The following ME1 variants were observed in gnomAD, a reference collection of about 807,000 sequenced individuals.
ME1 encodes malic enzyme 1.
In ME1, 74 loss-of-function variants were observed where a neutral mutation model predicts 66.4. That is an observed-to-expected ratio of 1.11 (90% confidence interval 0.92 to 1.35). The LOEUF is 1.35. Ranked by LOEUF, ME1 falls within the 40% of genes most tolerant of loss-of-function variation. The pLI is 0.00. For synonymous variants in ME1, 251 were observed against 235.6 expected, an observed-to-expected ratio of 1.07 and a Z score of -0.60; for missense variants, 750 against 694.1, an observed-to-expected ratio of 1.08 and a Z score of -0.90.
chr6:83,246,769 T>C (rs1790631873), intron 7 of ME1, among the ~76,000 whole-genome samples: 1 of 152,100 alleles, frequency 6.6e-6, no homozygotes, highest in Non-Finnish European at 1.5e-5. Context: ...TGCATGTTTT[T>C]AGGTTTTTGA....
intron 3 of ME1, among the ~76,000 whole-genome samples, chr6:83,357,208 T>G (rs1768907708): frequency 6.6e-6 from 1 of 152,194 alleles, no homozygotes; most frequent in Admixed American, 6.5e-5. Flanking sequence ...ACCGGTCCTA[T>G]TAGTGATGAT....
At chr6:83,351,962 G>T in intron 4 of ME1, 102 bp downstream of exon 4, 1 of 572,438 alleles carries the variant, frequency 1.7e-6, no homozygotes, top group Non-Finnish European at 2.9e-6. Flanking sequence ...AAAAGCTAAT[G>T]AATGCTACCT....
intron 3 of ME1, among the ~76,000 whole-genome samples, chr6:83,396,911 T>C (rs907318637): frequency 6.6e-6 from 1 of 152,116 alleles, no homozygotes. Flanking sequence ...CATTAAATGG[T>C]GACGGGAAAA....
intron 1 of ME1, among the ~76,000 whole-genome samples, chr6:83,428,476 C>T (rs956018227): frequency 1.3e-5 from 2 of 152,106 alleles, no homozygotes; most frequent in Non-Finnish European, 2.9e-5. Flanking sequence ...TGATGAAGTT[C>T]TGTGTTAGTG....
chr6:83,278,199 C>T (rs1191314296), intron 6 of ME1, among the ~76,000 whole-genome samples: 1 of 152,026 alleles, frequency 6.6e-6, no homozygotes, highest in Admixed American at 6.5e-5. Context: ...GGAGCAGAAC[C>T]GTGCAGCAAG....
At chr6:83,401,694 G>A (rs1250836629) in intron 2 of ME1, among the ~76,000 whole-genome samples, 2 of 152,206 alleles carry the variant, frequency 1.3e-5, no homozygotes, top group African/African-American at 4.8e-5. Context: ...AAGTGGCCAT[G>A]GTGGCAGGGA....
chr6:83,245,413 A>AT (rs5877838), intron 7 of ME1, among the ~76,000 whole-genome samples: 63,635 of 151,078 alleles, frequency 0.42, 13,695 homozygotes, highest in Middle Eastern at 0.55. Flanking sequence ...AGGCAAAATA[A>AT]TTTTTTTTTG....
intron 6 of ME1, among the ~76,000 whole-genome samples, chr6:83,268,749 A>G (rs1355358355): frequency 6.7e-6 from 1 of 149,482 alleles, no homozygotes; most frequent in Non-Finnish European, 1.5e-5. Context: ...TATTATTATT[A>G]TTATTATTAT....
chr6:83,358,200 C>A (rs1240503000), intron 3 of ME1, among the ~76,000 whole-genome samples: 1 of 151,650 alleles, frequency 6.6e-6, no homozygotes, highest in Non-Finnish European at 1.5e-5. Context: ...GGAAAACACT[C>A]ATAGTCCTTG....
rs141059311 is a variant in ME1 at position 83,410,621 on chromosome 6, A to G, written c.79-2720T>C. Among the ~76,000 whole-genome samples the G allele has an allele frequency of 5.8e-3, 877 of 152,292 alleles. 8 individuals carry two copies. The highest frequency in any genetic ancestry group is 0.02 in the African/African-American group (838 of 41,572). ...TGAAAAGGGGAAAGGAAAGCTGGCT[A>G]AAGTCTCAAAAATATATAAATATAT... On this transcript the variant is annotated intron_variant, in intron 1 of 13. Coordinates refer to ENST00000369705, the MANE Select transcript of ME1 (RefSeq NM_002395.6).
intron 6 of ME1, among the ~76,000 whole-genome samples, chr6:83,303,558 G>A (rs1176163370): frequency 6.6e-6 from 1 of 152,120 alleles, no homozygotes; most frequent in Non-Finnish European, 1.5e-5. Context: ...AATTTACAAT[G>A]TTGAATGAGA....
intron 7 of ME1, among the ~76,000 whole-genome samples, chr6:83,243,997 A>G (rs1790568507): frequency 6.7e-6 from 1 of 150,332 alleles, no homozygotes; most frequent in South Asian, 2.1e-4. Context: ...CTTGAGGCTC[A>G]TTTTCTGGAA....
chr6:83,218,703 G>A (rs1790035857), intron 12 of ME1, among the ~76,000 whole-genome samples: 1 of 152,190 alleles, frequency 6.6e-6, no homozygotes, highest in Non-Finnish European at 1.5e-5. Context: ...GTTAATAAAA[G>A]AGATGTTTGC....
In ME1 at chr6:83,352,120, G is replaced by A. The variant is rs776205138; in HGVS notation, c.382C>T (p.His128Tyr). The A allele has an allele frequency of 1.3e-6, 2 of 1,561,012 alleles. No individual in the cohort carries two copies. The highest frequency in any genetic ancestry group is 1.2e-5 in the South Asian group (1 of 86,056). ...RKPRGLFITI[H>Y]DRGHIASVLN... ...ACTGAAGCAATATGCCCTCGATCGTGGATAGTAATAAAGAGACCTCTGCAG... is the reference window on the plus strand; with the variant it reads ...ACTGAAGCAATATGCCCTCGATCGTAGATAGTAATAAAGAGACCTCTGCAG... The change falls in exon 4 of 14, where the codon CAC becomes TAC. Residue 128 changes from histidine to tyrosine, a missense_variant. Coordinates refer to ENST00000369705, the MANE Select transcript of ME1 (RefSeq NM_002395.6).
At chr6:83,264,067 G>C (rs1431317330) in intron 6 of ME1, among the ~76,000 whole-genome samples, 1 of 152,102 alleles carries the variant, frequency 6.6e-6, no homozygotes, top group Non-Finnish European at 1.5e-5. Context: ...CCCTTGTTAA[G>C]GTCTAATGCA....
intron 3 of ME1, among the ~76,000 whole-genome samples, chr6:83,385,386 C>A (rs1769486821): frequency 6.6e-6 from 1 of 151,752 alleles, no homozygotes; most frequent in Non-Finnish European, 1.5e-5. Context: ...TAAAACTTGG[C>A]AATTTTTCTT....
At chr6:83,241,926 G>A (rs573940442) in intron 7 of ME1, among the ~76,000 whole-genome samples, 3 of 152,118 alleles carry the variant, frequency 2.0e-5, no homozygotes, top group East Asian at 3.9e-4. Flanking sequence ...GCAGTGGCGC[G>A]ATCCTGGCTC....
chr6:83,327,436 C>T (rs1051425954), intron 5 of ME1, among the ~76,000 whole-genome samples: 38 of 152,154 alleles, frequency 2.5e-4, no homozygotes, highest in Admixed American at 2.4e-3. Flanking sequence ...GAATGCGCAC[C>T]TAGGGGTAGG....
At position 83,228,957 on chromosome 6, in the gene ME1, T is replaced by C. The variant is rs368321158; in HGVS notation, c.1027-26A>G. On this transcript the variant is annotated intron_variant, in intron 9 of 13. Transcript: ENST00000369705. The stretch of plus-strand genomic sequence containing the variant: ...CTAAGTAAAGCCAGTAAGAAAAAAT[T>C]AAGAATCTGCCAAACATGTGAGGGT... 417 of 1,491,162 alleles carry C rather than the reference T, an allele frequency of 2.8e-4. 1 individual carries two copies. Among genetic ancestry groups the C allele is most frequent in the Non-Finnish European group, 3.5e-4 (379 of 1,086,318 alleles). 92.4% of individuals were successfully genotyped at this position (1,491,162 alleles called of 1,614,324 possible). A position where few individuals can be genotyped will look rare whatever the true frequency, so the allele number is the denominator to read the frequency against.
Sources: gnomAD v4.1 joint callset for allele counts (sites outside exome capture counted in the v4.1 genomes callset) on GRCh38, gnomAD v4.1.1 for gene constraint, MANE v1.5 for transcripts, NCBI Gene and HGNC (gene_info 2026-07-23, HGNC 2026-07-21) for gene names.